Variants in KALRN observed in about 807,000 individuals in gnomAD.
The protein encoded by KALRN is kalirin.
Under a neutral mutation model 353.7 loss-of-function variants are expected in KALRN, and 70 were observed. The ratio of observed to expected loss-of-function variants is 0.20; its 90% CI spans 0.16 to 0.24. The LOEUF is 0.24. Among genes scored for constraint, KALRN ranks in the 10% least tolerant of loss-of-function variants. KALRN has a pLI of 1.00. For synonymous variants in KALRN, 1,391 were observed against 1,434.8 expected (o/e 0.97, Z 0.69); for missense variants, 2,791 against 3,756.7 (o/e 0.74, Z 6.72).
At chr3:124,636,630 G>A (rs1181688339) in intron 36 of KALRN, among the ~76,000 whole-genome samples, 5 of 152,140 alleles carry the variant, frequency 3.3e-5, no homozygotes, top group African/African-American at 1.2e-4. Context: ...GGGGCAGAGC[G>A]GGAGAGGAAG....
chr3:124,689,108 G>A (rs9879431), intron 51 of KALRN, among the ~76,000 whole-genome samples: 10,183 of 152,272 alleles, frequency 0.067, 870 homozygotes, highest in African/African-American at 0.2. Flanking sequence ...TCCCGGACTT[G>A]GCCCAGCATT....
At chr3:124,563,138 G>T (rs758138642) in intron 34 of KALRN, 49 bp downstream of exon 34, 2 of 1,340,416 alleles carry the variant, frequency 1.5e-6, no homozygotes, top group South Asian at 2.4e-5. Flanking sequence ...GGCCATGAGC[G>T]CTGGCCTGAC....
intron 4 of KALRN, 80 bp from the exon 5 acceptor site, chr3:124,268,663 T>A: frequency 7.0e-7 from 1 of 1,435,194 alleles, no homozygotes; most frequent in Non-Finnish European, 9.7e-7. Context: ...GGATTTATCT[T>A]GTCCTTTCCC....
intron 34 of KALRN, among the ~76,000 whole-genome samples, chr3:124,592,129 C>T (rs1396637805): frequency 6.6e-6 from 1 of 151,888 alleles, no homozygotes; most frequent in African/African-American, 2.4e-5. Context: ...AGTGAAACCC[C>T]CGTCTCTACT....
At chr3:124,405,638 G>GTTT (rs71145451) in intron 13 of KALRN, among the ~76,000 whole-genome samples, 37 of 83,868 alleles carry the variant, frequency 4.4e-4, no homozygotes, top group Middle Eastern at 8.3e-3. Context: ...GGACCTCAGG[G>GTTT]TTTTTTTTTT....
rs563391589 is a variant in KALRN, at chr3:124,098,854, T to C, written c.73+65041T>C. ...CAAGGAAACAACAGTGTAGGAGGTA[T>C]GTGGATATGGTTAAAATAGTGACAG... On this transcript the variant is annotated intron_variant, in intron 1 of 59. Coordinates refer to ENST00000682506, the MANE Select transcript of KALRN (RefSeq NM_001388419.1). 5.3e-5 allele frequency among the ~76,000 whole-genome samples: 8 copies of C among 152,314 alleles called. No homozygotes were observed. The South Asian group carries it at 1.7e-3, about 32-fold the overall frequency.
intron 35 of KALRN, among the ~76,000 whole-genome samples, chr3:124,633,508 C>T (rs922413717): frequency 3.3e-5 from 5 of 152,160 alleles, no homozygotes; most frequent in African/African-American, 4.8e-5. Flanking sequence ...CTAAGCCTGG[C>T]GGCATTTGGG....
chr3:124,715,005 G>A (rs1422887781), intron 58 of KALRN, among the ~76,000 whole-genome samples: 2 of 114,850 alleles, frequency 1.7e-5, no homozygotes, highest in African/African-American at 8.1e-5. Flanking sequence ...GACAGAGTGA[G>A]ACTCCATCTC....
intron 1 of KALRN, among the ~76,000 whole-genome samples, chr3:124,060,825 A>G (rs904961975): frequency 6.6e-6 from 1 of 152,174 alleles, no homozygotes; most frequent in Non-Finnish European, 1.5e-5. Flanking sequence ...GGGTGTATGT[A>G]CCTGACCTCC....
chr3:124,576,453 G>A (rs2074103251), intron 34 of KALRN, among the ~76,000 whole-genome samples: 1 of 152,116 alleles, frequency 6.6e-6, no homozygotes, highest in South Asian at 2.1e-4. Flanking sequence ...AAGGAAACTG[G>A]CTTAAGCTTT....
chr3:124,430,951 G>A (rs1447819662), intron 16 of KALRN, among the ~76,000 whole-genome samples, 176 bp downstream of exon 16: 1 of 152,194 alleles, frequency 6.6e-6, no homozygotes, highest in African/African-American at 2.4e-5. Flanking sequence ...AAATGCAAGG[G>A]TTCATCCCCC....
At chr3:124,129,764 C>A (rs2065079571) in intron 1 of KALRN, among the ~76,000 whole-genome samples, 1 of 152,146 alleles carries the variant, frequency 6.6e-6, no homozygotes, top group South Asian at 2.1e-4. Context: ...GTTTTCATTC[C>A]CCAGGAAACC....
intron 8 of KALRN, among the ~76,000 whole-genome samples, chr3:124,333,433 C>G (rs969285486): frequency 6.6e-6 from 1 of 152,044 alleles, no homozygotes; most frequent in African/African-American, 2.4e-5. Flanking sequence ...AACTGAGGAC[C>G]CAGGAGGTTA....
intron 33 of KALRN, among the ~76,000 whole-genome samples, chr3:124,562,090 C>T (rs1021596130): frequency 6.6e-6 from 1 of 152,138 alleles, no homozygotes; most frequent in African/African-American, 2.4e-5. Flanking sequence ...GAGGGCTGGG[C>T]GTATGCTCCT....
At chr3:124,052,564 AC>A (rs1190235366) in intron 1 of KALRN, among the ~76,000 whole-genome samples, 4 of 152,062 alleles carry the variant, frequency 2.6e-5, no homozygotes, top group Admixed American at 6.6e-5. Context: ...GTATGTGCAA[AC>A]CCAGCCCAAC....
At chr3:124,700,586 T>C (rs2062274408) in intron 56 of KALRN, among the ~76,000 whole-genome samples, 1 of 152,210 alleles carries the variant, frequency 6.6e-6, no homozygotes, top group Non-Finnish European at 1.5e-5. Flanking sequence ...TATGAGTATT[T>C]TACAAATAAG....
chr3:124,269,284 C>T (rs1350367285), intron 5 of KALRN, 29 bp downstream of exon 5: 16 of 1,558,204 alleles, frequency 1.0e-5, no homozygotes, highest in East Asian at 4.5e-5. Context: ...AAACCTGAGC[C>T]GGGATGGGGG....
At chr3:124,242,919 T>C (rs1246484806) in intron 3 of KALRN, among the ~76,000 whole-genome samples, 1 of 152,152 alleles carries the variant, frequency 6.6e-6, no homozygotes, top group Non-Finnish European at 1.5e-5. Context: ...TACCAAATTA[T>C]ACCAAGAGAT....
chr3:124,375,885 A>C (rs2086517664), intron 10 of KALRN, among the ~76,000 whole-genome samples: 1 of 152,194 alleles, frequency 6.6e-6, no homozygotes, highest in South Asian at 2.1e-4. Context: ...AGTGAAAGAG[A>C]GCACCCCAGC....
Sources: gnomAD v4.1 joint callset for allele counts (sites outside exome capture counted in the v4.1 genomes callset) on GRCh38, gnomAD v4.1.1 for gene constraint, MANE v1.5 for transcripts, NCBI Gene and HGNC (gene_info 2026-07-23, HGNC 2026-07-21) for gene names.